Variants in NOVA1 observed in about 807,000 individuals in gnomAD.
NOVA1 encodes NOVA alternative splicing regulator 1, also known as RNA-binding protein Nova-1.
NOVA1 carries 7 observed loss-of-function variants against 38.0 expected under a neutral mutation model. The observed-to-expected ratio is 0.18, with a 90% confidence interval of 0.10 to 0.35. The LOEUF (loss-of-function observed/expected upper bound fraction) is 0.35. NOVA1 is among the 10% of genes least tolerant of loss of function. The pLI, the probability that NOVA1 is intolerant of heterozygous loss-of-function variation, is 1.00. For missense variants in NOVA1, 460 were observed against 616.0 expected, an observed-to-expected ratio of 0.75 and a Z score of 2.68; for synonymous variants, 270 against 232.5, an observed-to-expected ratio of 1.16 and a Z score of -1.47.
At chr14:26,544,288 G>A (rs1312174253) in intron 2 of NOVA1, among the ~76,000 whole-genome samples, 5 of 151,890 alleles carry the variant, frequency 3.3e-5, no homozygotes, top group South Asian at 2.1e-4. Context: ...AGTGTCAACC[G>A]CATCAAGGAA....
At chr14:26,565,274 C>A (rs1276346363) in intron 2 of NOVA1, among the ~76,000 whole-genome samples, 6 of 152,106 alleles carry the variant, frequency 3.9e-5, no homozygotes, top group Non-Finnish European at 8.8e-5. Flanking sequence ...TTTGAGTTAT[C>A]ATCAGCCCCC....
In NOVA1 at chr14:26,448,359, G is replaced by A; in HGVS notation, c.1124C>T (p.Thr375Ile). 6.2e-7 allele frequency: 1 copy of A among 1,614,020 alleles called. No individual in the cohort carries two copies. Among genetic ancestry groups the A allele is most frequent in the Non-Finnish European group, 8.5e-7 (1 of 1,180,010 alleles). ...AAATGTCCCCGCCGTACCACCAGCTGTGCTGCCACTGGCTGAGGCTTCACT... is the reference window on the plus strand; with the variant it reads ...AAATGTCCCCGCCGTACCACCAGCTATGCTGCCACTGGCTGAGGCTTCACT... ...YASEASASGS[T>I]AGGTAGTFAL... is the part of the protein sequence containing the mutation. The change falls in exon 5 of 5, where the codon ACA becomes ATA. Residue 375 changes from threonine to isoleucine, a missense_variant. Coordinates refer to ENST00000539517, the MANE Select transcript of NOVA1 (RefSeq NM_002515.3). The surrounding 1 kb of genome is among the most constrained non-coding windows in gnomAD (Gnocchi z 5.3).
At chr14:26,517,553 G>T (rs1888562279) in intron 2 of NOVA1, among the ~76,000 whole-genome samples, 1 of 152,124 alleles carries the variant, frequency 6.6e-6, no homozygotes, top group African/African-American at 2.4e-5. Context: ...TATTAATTAA[G>T]AGAGTCTGTA....
rs11444118 is a variant in NOVA1, at chr14:26,444,861, A to AAAC, written c.*3097_*3098insGTT. The AAAC allele has an allele frequency of 1.9e-5, 2 of 104,042 alleles. No homozygotes were observed. Among genetic ancestry groups the AAAC allele is most frequent in the African/African-American group, 5.6e-5 (1 of 17,912 alleles). The allele number at this position is 104,042 out of a possible 1,614,324, so 6.4% of individuals were successfully genotyped here. On this transcript the variant is annotated 3_prime_UTR_variant, in exon 5 of 5. Coordinates refer to ENST00000539517, the MANE Select transcript of NOVA1 (RefSeq NM_002515.3). ...CAAAAAAACAAACAAACAAACAAAC[A>AAAC]AAAAAAAAACAAAAAAACTGCAATG...
At chr14:26,451,744 A>G (rs1167793266) in intron 4 of NOVA1, among the ~76,000 whole-genome samples, 2 of 152,208 alleles carry the variant, frequency 1.3e-5, no homozygotes, top group Admixed American at 6.6e-5. Context: ...AAAAATATCC[A>G]TATTTTTGAA....
intron 2 of NOVA1, among the ~76,000 whole-genome samples, chr14:26,524,761 CAAG>C (rs1358370837): frequency 6.6e-6 from 1 of 152,062 alleles, no homozygotes; most frequent in African/African-American, 2.4e-5. Flanking sequence ...ATGGTAGAGT[CAAG>C]AAGAGCCCCC....
intron 2 of NOVA1, among the ~76,000 whole-genome samples, chr14:26,503,957 A>T (rs1349573422): frequency 6.6e-6 from 1 of 152,192 alleles, no homozygotes; most frequent in Non-Finnish European, 1.5e-5. Context: ...CTCAATGTTT[A>T]ATAATGTAAA....
At chr14:26,485,248 T>C (rs1885791915) in intron 2 of NOVA1, among the ~76,000 whole-genome samples, 1 of 152,140 alleles carries the variant, frequency 6.6e-6, no homozygotes, top group South Asian at 2.1e-4. Flanking sequence ...CTTGTCTGTA[T>C]TTTGAAACAT....
intron 2 of NOVA1, among the ~76,000 whole-genome samples, chr14:26,563,856 TTC>T (rs1891971096): frequency 1.3e-5 from 2 of 152,168 alleles, no homozygotes; most frequent in African/African-American, 2.4e-5. Flanking sequence ...CAGAGATTTA[TTC>T]TGTTTATATA....
intron 2 of NOVA1, among the ~76,000 whole-genome samples, chr14:26,495,169 C>T (rs1353103511): frequency 6.6e-6 from 1 of 152,036 alleles, no homozygotes; most frequent in African/African-American, 2.4e-5. Context: ...CCATAGCAGC[C>T]CCTTTCTCAT....
At chr14:26,578,510 A>G (rs1484152814) in intron 2 of NOVA1, among the ~76,000 whole-genome samples, 1 of 152,180 alleles carries the variant, frequency 6.6e-6, no homozygotes, top group Non-Finnish European at 1.5e-5. Context: ...GAAAAAAAGT[A>G]GAGGTAGGCC....
chr14:26,549,473 A>G (rs1043006516), intron 2 of NOVA1: 3 of 177,980 alleles, frequency 1.7e-5, no homozygotes, highest in African/African-American at 6.9e-5. Flanking sequence ...TTTTAGTTTC[A>G]TTTGCTTTTA....
rs1275279174 is a variant in NOVA1, at chr14:26,443,474, G to A, written c.*4485C>T. The A allele has an allele frequency of 6.6e-6, 1 of 151,756 alleles. No homozygotes were observed. The highest frequency in any genetic ancestry group is 1.5e-5 in the Non-Finnish European group (1 of 67,806). The allele number at this position is 151,756 out of a possible 1,614,324, so 9.4% of individuals were successfully genotyped here. A position where few individuals can be genotyped will look rare whatever the true frequency, so the allele number is the denominator to read the frequency against. ...TTTTTTTTGTTTATATAGACCAGTG[G>A]AATGACATCCTGTCTAGTACTATAC... On this transcript the variant is annotated 3_prime_UTR_variant, in exon 5 of 5. Transcript: ENST00000539517.
intron 2 of NOVA1, among the ~76,000 whole-genome samples, chr14:26,569,429 C>G (rs915192565): frequency 6.6e-6 from 1 of 152,138 alleles, no homozygotes; most frequent in African/African-American, 2.4e-5. Flanking sequence ...ATTTAAAAAT[C>G]TGATTTACAA....
At chr14:26,565,214 T>C (rs979080225) in intron 2 of NOVA1, among the ~76,000 whole-genome samples, 3 of 152,184 alleles carry the variant, frequency 2.0e-5, no homozygotes, top group African/African-American at 7.2e-5. Flanking sequence ...TTTATACTCC[T>C]GCAGTTTTGT....
chr14:26,597,244 G>C, intron 1 of NOVA1, 57 bp downstream of exon 1: 1 of 1,190,628 alleles, frequency 8.4e-7, no homozygotes, highest in Non-Finnish European at 1.1e-6. Flanking sequence ...GCGAGGGAGG[G>C]AGGCAGGGGC....
chr14:26,472,514 T>C (rs1159332422), intron 3 of NOVA1, 123 bp from the exon 4 acceptor site: 7 of 445,608 alleles, frequency 1.6e-5, no homozygotes, highest in Non-Finnish European at 2.8e-5. Flanking sequence ...CAAATTTTTC[T>C]CCTATTCATT....
intron 2 of NOVA1, among the ~76,000 whole-genome samples, chr14:26,495,211 A>T (rs540890118): frequency 1.3e-5 from 2 of 152,256 alleles, no homozygotes; most frequent in African/African-American, 4.8e-5. Context: ...ATACCTTATC[A>T]GAGAAGACTT....
In NOVA1 at chr14:26,443,960, T is replaced by C. The variant is rs994890876; in HGVS notation, c.*3999A>G. ...ATTAAATTATATTTTCATCTCTCAA[T>C]TGCTGCCTTCGAAAGCAAGAATTCC... On this transcript the variant is annotated 3_prime_UTR_variant, in exon 5 of 5. Coordinates refer to ENST00000539517, the MANE Select transcript of NOVA1 (RefSeq NM_002515.3). The C allele has an allele frequency of 1.3e-5, 2 of 152,092 alleles. No individual in the cohort carries two copies. The highest frequency in any genetic ancestry group is 2.9e-5 in the Non-Finnish European group (2 of 67,978). The allele number at this position is 152,092 out of a possible 1,614,324, so 9.4% of individuals were successfully genotyped here.
Sources: allele counts gnomAD v4.1 joint callset (sites outside exome capture counted in the v4.1 genomes callset), GRCh38; gene constraint gnomAD v4.1.1; non-coding constraint Gnocchi (gnomAD v3.1); transcripts MANE v1.5; gene names NCBI Gene and HGNC (gene_info 2026-07-23, HGNC 2026-07-21).